The following ENTPD1 variants were observed in gnomAD, a reference collection of about 807,000 sequenced individuals.
ENTPD1 encodes the protein ectonucleoside triphosphate diphosphohydrolase 1.
ENTPD1 carries 33 observed loss-of-function variants against 57.0 expected under a neutral mutation model. That is an observed-to-expected ratio of 0.58 (90% CI 0.44 to 0.77). ENTPD1 has a LOEUF of 0.77. Among genes scored for constraint, ENTPD1 ranks in the 30% least tolerant of loss-of-function variants. The probability of loss-of-function intolerance (pLI) is 0.00; values close to 1 mark genes in which losing one functional copy is unlikely to be tolerated. For synonymous variants in ENTPD1, 202 were observed against 218.8 expected (o/e 0.92, Z 0.68); for missense variants, 501 against 603.4 (o/e 0.83, Z 1.78).
At chr10:95,787,312 T>C (rs1039937893) in intron 1 of ENTPD1, among the ~76,000 whole-genome samples, 2 of 152,264 alleles carry the variant, frequency 1.3e-5, no homozygotes, top group Non-Finnish European at 1.5e-5. Context: ...AAAATAGACA[T>C]GCTTCTTTTA....
chr10:95,810,508 C>T (rs949186280), intron 1 of ENTPD1, among the ~76,000 whole-genome samples: 2 of 149,080 alleles, frequency 1.3e-5, no homozygotes, highest in African/African-American at 5.0e-5. Context: ...ACGCTCCTCA[C>T]ATCCCAGATG....
chr10:95,758,894 T>C (rs1345941397), intron 1 of ENTPD1, among the ~76,000 whole-genome samples: 1 of 152,216 alleles, frequency 6.6e-6, no homozygotes, highest in Non-Finnish European at 1.5e-5. Flanking sequence ...AATGACCTTC[T>C]CCATGAGGTC....
At chr10:95,866,086 T>C (rs1403612426) in intron 9 of ENTPD1, 91 bp from the exon 10 acceptor site, 4 of 1,510,368 alleles carry the variant, frequency 2.6e-6, no homozygotes, top group Non-Finnish European at 3.6e-6. Flanking sequence ...TTGTTTGAAC[T>C]CTTCCAATGC....
intron 1 of ENTPD1, among the ~76,000 whole-genome samples, chr10:95,712,304 G>C (rs989389481): frequency 1.3e-5 from 2 of 152,164 alleles, no homozygotes; most frequent in African/African-American, 4.8e-5. Context: ...AGCTGGCACT[G>C]CAGACTGATC....
chr10:95,756,513 C>A, intron 1 of ENTPD1: 1 of 478,150 alleles, frequency 2.1e-6, no homozygotes, highest in Non-Finnish European at 3.6e-6. Context: ...AATTTGTATT[C>A]AGAGTTGGTT....
chr10:95,806,040 C>A (rs1361335688), intron 1 of ENTPD1, among the ~76,000 whole-genome samples: 1 of 152,190 alleles, frequency 6.6e-6, no homozygotes, highest in Non-Finnish European at 1.5e-5. Flanking sequence ...GTTGGCCTGC[C>A]TTGCTAGGTT....
At chr10:95,787,158 A>G (rs1407862989) in intron 1 of ENTPD1, among the ~76,000 whole-genome samples, 1 of 152,232 alleles carries the variant, frequency 6.6e-6, no homozygotes, top group African/African-American at 2.4e-5. Context: ...AATAAAGCAT[A>G]ATAAGATATA....
chr10:95,869,574 A>C lies in ENTPD1; in HGVS notation c.*3191A>C, dbSNP rs1414840896. 3 of 985,266 alleles carry C rather than the reference A, an allele frequency of 3.0e-6. No individual in the cohort carries two copies. Among genetic ancestry groups the C allele is most frequent in the Non-Finnish European group, 3.6e-6 (3 of 829,918 alleles). 61.0% of individuals were successfully genotyped at this position (985,266 alleles called of 1,614,324 possible). On this transcript the variant is annotated 3_prime_UTR_variant, in exon 10 of 10. Coordinates refer to ENST00000371205, the MANE Select transcript of ENTPD1 (RefSeq NM_001776.6). ...CAGAAGTGGTTACTTCTGTAGACAAAAGAATAATGCTACTTAATCAGGCTT... is the reference window on the plus strand; with the variant it reads ...CAGAAGTGGTTACTTCTGTAGACAACAGAATAATGCTACTTAATCAGGCTT...
intron 1 of ENTPD1, among the ~76,000 whole-genome samples, chr10:95,799,628 T>C (rs1026270333): frequency 1.3e-5 from 2 of 152,200 alleles, no homozygotes; most frequent in African/African-American, 4.8e-5. Context: ...GATAGAATGA[T>C]TTATATTCCT....
Position 95,870,631 on chromosome 10 carries a change from A to T in ENTPD1, c.*4248A>T. On this transcript the variant is annotated 3_prime_UTR_variant, in exon 10 of 10. Transcript: ENST00000371205. ...ACAAAGTTTGCCACATAATGATAAA[A>T]TTACTATGAAAATATATTCCCTTTA... 1.0e-6 allele frequency: 1 copy of T among 985,480 alleles called. No homozygotes were observed. The highest frequency in any genetic ancestry group is 1.2e-6 in the Non-Finnish European group (1 of 829,932). 61.0% of individuals were successfully genotyped at this position (985,480 alleles called of 1,614,324 possible). A position where few individuals can be genotyped will look rare whatever the true frequency, so the allele number is the denominator to read the frequency against.
chr10:95,784,623 C>T (rs768957214), intron 1 of ENTPD1, among the ~76,000 whole-genome samples: 16 of 152,136 alleles, frequency 1.1e-4, no homozygotes, highest in Non-Finnish European at 2.4e-4. Context: ...TTGCTGTTGT[C>T]GCAGGAAACA....
At chr10:95,747,174 C>G (rs1293081972) in intron 1 of ENTPD1, among the ~76,000 whole-genome samples, 1 of 152,120 alleles carries the variant, frequency 6.6e-6, no homozygotes, top group African/African-American at 2.4e-5. Context: ...TTATAAAAAT[C>G]CATTATTTTA....
upstream of ENTPD1, among the ~76,000 whole-genome samples, chr10:95,752,833 T>G (rs566938000): frequency 6.6e-6 from 1 of 152,306 alleles, no homozygotes; most frequent in Admixed American, 6.5e-5. Flanking sequence ...ACCTGGCCCA[T>G]ATTAATCATT....
At chr10:95,844,778 C>CT in intron 5 of ENTPD1, 143 bp downstream of exon 5, 2 of 1,082,278 alleles carry the variant, frequency 1.8e-6, no homozygotes, top group Non-Finnish European at 2.8e-6. Context: ...AATGAATTTA[C>CT]TCTCACATTT....
chr10:95,833,191 C>T (rs1221782936), intron 2 of ENTPD1, among the ~76,000 whole-genome samples: 1 of 152,198 alleles, frequency 6.6e-6, no homozygotes, highest in African/African-American at 2.4e-5. Flanking sequence ...AAAACAACAT[C>T]TGCAGATAGA....
intron 1 of ENTPD1, among the ~76,000 whole-genome samples, chr10:95,814,774 C>T (rs117501902): frequency 0.034 from 5,145 of 152,220 alleles, 120 homozygotes; most frequent in Non-Finnish European, 0.049. Context: ...CTTCCTCTGA[C>T]GTCTGTGGTT....
In ENTPD1 at chr10:95,818,748, G is replaced by A. The variant is rs559080473; in HGVS notation, c.17-4489G>A. Among the ~76,000 whole-genome samples, 9 of 152,336 alleles carry A rather than the reference G, an allele frequency of 5.9e-5. No individual in the cohort carries two copies. In the East Asian group the frequency reaches 1.7e-3, roughly 29 times the overall value. ...GAGAAGAAGGAAGGTAGCAGGGGTG[G>A]TGTGGAGACTTTGACTCTGTGAGTT... On this transcript the variant is annotated intron_variant, in intron 1 of 9. Coordinates refer to ENST00000371205, the MANE Select transcript of ENTPD1 (RefSeq NM_001776.6).
intron 8 of ENTPD1, among the ~76,000 whole-genome samples, chr10:95,862,378 G>C (rs759680916): frequency 5.9e-5 from 9 of 152,162 alleles, no homozygotes; most frequent in Non-Finnish European, 1.3e-4. Flanking sequence ...CTTCATCATG[G>C]ACTGCTACTC....
rs1010894431 is a variant in ENTPD1 at position 95,725,638 on chromosome 10, A to G, written c.37+13645A>G. 3.3e-5 allele frequency among the ~76,000 whole-genome samples: 5 copies of G among 152,092 alleles called. No homozygotes were observed. The East Asian group carries it at 7.7e-4, about 24-fold the overall frequency. On this transcript the variant is annotated intron_variant, in intron 1 of 9. Transcript: ENST00000453258. ...TACTTTAGTTTAGTGGACAGCCTAC[A>G]CTTTAGGAGAGGTTGTGTTAAAAAA...
Sources: gnomAD v4.1 joint callset for allele counts (sites outside exome capture counted in the v4.1 genomes callset) on GRCh38, gnomAD v4.1.1 for gene constraint, MANE v1.5 for transcripts, NCBI Gene and HGNC (gene_info 2026-07-23, HGNC 2026-07-21) for gene names.